ZNF618: variants seen among roughly 807,000 people sequenced by gnomAD.
ZNF618 encodes the protein zinc finger protein 618, also known as neural precursor cell expressed, developmentally down-regulated 10.
A neutral mutation model predicts 103.0 loss-of-function variants in ZNF618; 34 were observed. That is an observed-to-expected ratio of 0.33 (90% confidence interval 0.25 to 0.44). The LOEUF is 0.44. Among genes scored for constraint, ZNF618 ranks in the 20% least tolerant of loss-of-function variants. ZNF618 has a pLI of 1.00. For synonymous variants in ZNF618, 551 were observed against 542.2 expected (o/e 1.02, Z -0.23); for missense variants, 1,059 against 1,295.4 (o/e 0.82, Z 2.80).
intron 7 of ZNF618, 123 bp downstream of exon 7, chr9:114,007,562 G>C: frequency 1.2e-6 from 1 of 851,160 alleles, no homozygotes; most frequent in Non-Finnish European, 1.8e-6. Flanking sequence ...GCAGTAGCTG[G>C]AACCATGAGG....
chr9:114,032,607 C>T (rs771985033), intron 11 of ZNF618, 38 bp from the exon 12 acceptor site: 34 of 1,598,342 alleles, frequency 2.1e-5, no homozygotes, highest in Non-Finnish European at 2.8e-5. Flanking sequence ...GCTGACCAAT[C>T]ACCATTGTTT....
chr9:114,021,786 T>C (rs1298089621), intron 10 of ZNF618, among the ~76,000 whole-genome samples: 2 of 152,090 alleles, frequency 1.3e-5, no homozygotes, highest in East Asian at 3.8e-4. Context: ...TGTAAATTAG[T>C]TTGCGTTTCC....
chr9:114,028,637 C>T, intron 10 of ZNF618, 96 bp from the exon 11 acceptor site: 15 of 1,432,376 alleles, frequency 1.0e-5, no homozygotes, highest in South Asian at 1.4e-5. Flanking sequence ...TGGACAGAGA[C>T]AGTCCCAACC....
intron 2 of ZNF618, among the ~76,000 whole-genome samples, chr9:113,986,669 CT>C (rs1369051107): frequency 6.6e-6 from 1 of 152,182 alleles, no homozygotes; most frequent in East Asian, 1.9e-4. Context: ...CCCAAAGACC[CT>C]TTCTTCAGAT....
At chr9:113,915,755 G>A (rs1284901350) in intron 1 of ZNF618, among the ~76,000 whole-genome samples, 1 of 151,948 alleles carries the variant, frequency 6.6e-6, no homozygotes, top group Non-Finnish European at 1.5e-5. Context: ...AGAGGTAGAT[G>A]GATGGACAGA....
At chr9:113,916,928 C>T (rs1472343442) in intron 1 of ZNF618, among the ~76,000 whole-genome samples, 1 of 152,252 alleles carries the variant, frequency 6.6e-6, no homozygotes, top group Admixed American at 6.5e-5. Context: ...TTTACTGGCT[C>T]GAGGACTGAA....
chr9:113,945,934 C>G (rs1391260791), intron 1 of ZNF618, among the ~76,000 whole-genome samples: 1 of 152,246 alleles, frequency 6.6e-6, no homozygotes, highest in African/African-American at 2.4e-5. Context: ...CGCTTATGCT[C>G]TTGATCCAGT....
At position 114,036,348 on chromosome 9, in the gene ZNF618, A is replaced by G; in HGVS notation, c.1217A>G (p.Asn406Ser). The G allele has an allele frequency of 6.3e-7, 1 of 1,584,440 alleles. No individual in the cohort carries two copies. Among genetic ancestry groups the G allele is most frequent in the Non-Finnish European group, 8.6e-7 (1 of 1,164,734 alleles). ...ACGIQFQFYN[N>S]LLEHMQSHAA... ...GGGATCCAGTTCCAGTTCTACAACA[A>G]CCTGTTGGAGCACATGCAGTCCCAT... Residue 406 changes from asparagine to serine, a missense_variant, in exon 13 of 15, where the codon AAC (asparagine) becomes AGC (serine). Coordinates refer to ENST00000374126, the MANE Select transcript of ZNF618 (RefSeq NM_001318042.2).
intron 2 of ZNF618, among the ~76,000 whole-genome samples, chr9:113,983,936 TC>T (rs953782335): frequency 2.0e-5 from 3 of 152,154 alleles, no homozygotes; most frequent in Non-Finnish European, 4.4e-5. Context: ...GAGGCATATG[TC>T]CCAGTGCCTG....
intron 11 of ZNF618, among the ~76,000 whole-genome samples, chr9:114,031,144 G>A (rs1843991933): frequency 6.6e-6 from 1 of 152,140 alleles, no homozygotes; most frequent in Non-Finnish European, 1.5e-5. Flanking sequence ...GCCCTCACAG[G>A]GCTTTTGGGA....
At chr9:113,949,380 T>G (rs1371157102) in intron 1 of ZNF618, among the ~76,000 whole-genome samples, 1 of 152,160 alleles carries the variant, frequency 6.6e-6, no homozygotes, top group Non-Finnish European at 1.5e-5. Context: ...TCCCCCACCA[T>G]CCCTCCAGAC....
In ZNF618 at chr9:114,028,972, G is replaced by A. The variant is rs1843758460; in HGVS notation, c.1084G>A (p.Ala362Thr). The change falls in exon 11 of 15, where the codon GCA becomes ACA. Residue 362 changes from alanine (A) to threonine (T), a missense_variant and splice_region_variant. This residue lies in a region of ZNF618 where 434 missense variants were observed against 476.0 expected (regional missense o/e 0.91). Transcript: ENST00000374126. ...ATCTCCGGCGAGCAAGGCAACCGCA[G>A]GTACCAATGGCCTATGTGACCCCCA... ...SGSPASKATA[A>T]ESAFSRRVEG... 6.5e-7 allele frequency: 1 copy of A among 1,549,960 alleles called. No homozygotes were observed. The highest frequency in any genetic ancestry group is 2.4e-5 in the East Asian group (1 of 40,926).
At chr9:113,928,184 T>G (rs1833266368) in intron 1 of ZNF618, among the ~76,000 whole-genome samples, 1 of 152,226 alleles carries the variant, frequency 6.6e-6, no homozygotes, top group Non-Finnish European at 1.5e-5. Context: ...TTTTATCAGC[T>G]ATATCCAGCT....
chr9:113,894,592 G>T (rs886574795), intron 1 of ZNF618, among the ~76,000 whole-genome samples: 1 of 152,060 alleles, frequency 6.6e-6, no homozygotes, highest in Non-Finnish European at 1.5e-5. Flanking sequence ...TTTTCCACCC[G>T]GTAACATGGT....
chr9:114,033,696 C>T (rs1464025844), intron 12 of ZNF618, among the ~76,000 whole-genome samples: 4 of 152,124 alleles, frequency 2.6e-5, no homozygotes, highest in African/African-American at 9.7e-5. Context: ...GCACAGCAAG[C>T]TGTTCTGTAC....
chr9:113,920,701 CAA>C (rs1832563721), intron 1 of ZNF618, among the ~76,000 whole-genome samples: 2 of 151,964 alleles, frequency 1.3e-5, no homozygotes, highest in Non-Finnish European at 2.9e-5. Flanking sequence ...TGTGCGAGGC[CAA>C]GAGTCGCAAT....
At chr9:113,980,663 G>A (rs946708070) in intron 2 of ZNF618, among the ~76,000 whole-genome samples, 1 of 152,234 alleles carries the variant, frequency 6.6e-6, no homozygotes, top group Non-Finnish European at 1.5e-5. Flanking sequence ...ACTGATCCTT[G>A]GGGCATATCA....
At chr9:113,919,616 T>C (rs1468909244) in intron 1 of ZNF618, among the ~76,000 whole-genome samples, 6 of 152,194 alleles carry the variant, frequency 3.9e-5, no homozygotes, top group Admixed American at 3.9e-4. Context: ...CGGCTGCTGC[T>C]GGTGTCCTCC....
In ZNF618 at chr9:113,928,202, A is replaced by C. The variant is rs540390744; in HGVS notation, c.34-40915A>C. On this transcript the variant is annotated intron_variant, in intron 1 of 14. Coordinates refer to ENST00000374126, the MANE Select transcript of ZNF618 (RefSeq NM_001318042.2). ...TATCAGCTATATCCAGCTACTGATG[A>C]GCTCATTAAAGGCATTCTCCATTTC... Among the ~76,000 whole-genome samples, 28 of 152,288 alleles carry C rather than the reference A, an allele frequency of 1.8e-4. No homozygotes were observed. The South Asian group carries it at 5.8e-3, about 32-fold the overall frequency.
Sources: gnomAD v4.1 joint callset for allele counts (sites outside exome capture counted in the v4.1 genomes callset) on GRCh38, gnomAD v4.1.1 for gene constraint, gnomAD v4.1.1 regional missense constraint, MANE v1.5 for transcripts, NCBI Gene and HGNC (gene_info 2026-07-23, HGNC 2026-07-21) for gene names.